Variants in MYO1A observed in about 807,000 individuals in gnomAD.
The protein encoded by MYO1A is myosin IA, also known as unconventional myosin-Ia.
MYO1A carries 127 observed loss-of-function variants against 138.5 expected under a neutral mutation model. That is an observed-to-expected ratio of 0.92 (90% CI 0.79 to 1.06). MYO1A has a LOEUF of 1.06. Ranked by LOEUF, MYO1A falls within the 50% of genes least tolerant of loss-of-function variation. The pLI, the probability that MYO1A is intolerant of heterozygous loss-of-function variation, is 0.00. For synonymous variants in MYO1A, 477 were observed against 497.5 expected (o/e 0.96, Z 0.55); for missense variants, 1,211 against 1,288.8 (o/e 0.94, Z 0.92).
intron 4 of MYO1A, 74 bp from the exon 5 acceptor site, chr12:57,047,481 C>G: frequency 6.6e-7 from 1 of 1,521,928 alleles, no homozygotes; most frequent in African/African-American, 1.4e-5. Context: ...ACTTGCTTCA[C>G]CCCAGTGCCT....
chr12:57,030,053 A>C (rs1266086505), intron 24 of MYO1A, 157 bp downstream of exon 24: 4 of 1,276,008 alleles, frequency 3.1e-6, no homozygotes, highest in South Asian at 1.2e-5. Context: ...TAGAAAGGCA[A>C]ATTTTGGTCC....
In MYO1A at chr12:57,038,505, G is replaced by C; in HGVS notation, c.1667C>G (p.Ser556Cys). The change falls in exon 17 of 28, where the codon TCT becomes TGT. Residue 556 changes from serine (S) to cysteine (C), a missense_variant. Physicochemically the swap from Ser to Cys is moderately radical, Grantham distance 112. Coordinates refer to ENST00000300119, the MANE Select transcript of MYO1A (RefSeq NM_005379.4). Reference sequence around the variant, plus strand: ...CCCAGCAGTCGGGGGGCGTTTGAGAGATGCCTGCTTAGGATTGCCCTCAGG... The same window carrying C: ...CCCAGCAGTCGGGGGGCGTTTGAGACATGCCTGCTTAGGATTGCCCTCAGG... ...LFPEGNPKQA[S>C]LKRPPTAGAQ... 6.2e-7 allele frequency: 1 copy of C among 1,614,238 alleles called. No individual in the cohort carries two copies. The highest frequency in any genetic ancestry group is 1.1e-5 in the South Asian group (1 of 91,088).
At position 57,041,242 on chromosome 12, in the gene MYO1A, A is replaced by C; in HGVS notation, c.1211T>G (p.Leu404Arg). 6.2e-7 allele frequency: 1 copy of C among 1,614,088 alleles called. No individual in the cohort carries two copies. The highest frequency in any genetic ancestry group is 8.5e-7 in the Non-Finnish European group (1 of 1,180,040). Residue 404 changes from leucine (L) to arginine (R), a missense_variant, in exon 14 of 28, where the codon CTG becomes CGG. Transcript: ENST00000300119. The part of the protein sequence containing the change: ...QFVINYCNEK[L>R]QQVFIEMTLK... ...GGTCATCTCTATGAACACCTGCTGC[A>C]GCTTCTCATTGCAGTAGTTGATCAC...
intron 23 of MYO1A, 90 bp downstream of exon 23, chr12:57,030,949 GA>G (rs1266729489): frequency 4.7e-6 from 7 of 1,501,994 alleles, no homozygotes; most frequent in South Asian, 1.2e-5. Flanking sequence ...TTTTTAATGG[GA>G]AAAAAATAGA....
chr12:57,041,553 G>A (rs1406160723), intron 12 of MYO1A, 56 bp from the exon 13 acceptor site: 3 of 1,471,384 alleles, frequency 2.0e-6, no homozygotes, highest in Non-Finnish European at 2.9e-6. Flanking sequence ...CACCAGGCCA[G>A]GTCCTTCTGG....
At position 57,048,230 on chromosome 12, in the gene MYO1A, A is replaced by G. The variant is rs371755179; in HGVS notation, c.94T>C (p.Tyr32His). Residue 32 changes from tyrosine to histidine, a missense_variant, in exon 2 of 28, where the codon TAT (tyrosine) becomes CAT (histidine). Tyr to His is a moderately conservative substitution (Grantham distance 83, BLOSUM62 2). Coordinates refer to ENST00000300119, the MANE Select transcript of MYO1A (RefSeq NM_005379.4). ...CTCACATAAATCTCCTTGTTTTCAT[A>G]GCGAAGCTGAAGATTCTTGAGCAGT... ...ESLLKNLQLR[Y>H]ENKEIYTYIG... 2 of 1,613,950 alleles carry G rather than the reference A, an allele frequency of 1.2e-6. No homozygotes were observed. The highest frequency in any genetic ancestry group is 2.7e-5 in the African/African-American group (2 of 74,940).
At chr12:57,038,378 A>T in intron 17 of MYO1A, 34 bp downstream of exon 17, 1 of 1,604,562 alleles carries the variant, frequency 6.2e-7, no homozygotes, top group African/African-American at 1.3e-5. Flanking sequence ...GCCATCACAT[A>T]TGTAGCATGT....
At position 57,034,575 on chromosome 12, in the gene MYO1A, G is replaced by A. The variant is rs546187090; in HGVS notation, c.2349+1732C>T. 5.3e-5 allele frequency among the ~76,000 whole-genome samples: 8 copies of A among 152,294 alleles called. No homozygotes were observed. In the East Asian group the frequency reaches 7.7e-4, roughly 15 times the overall value. ...TGTGGTCTCAGCTACTGGGAAGGCC[G>A]AGGCTGAAGGATGGCTTGAGCCCGG... On this transcript the variant is annotated intron_variant, in intron 22 of 27. Transcript: ENST00000300119.
At position 57,037,013 on chromosome 12, in the gene MYO1A, G is replaced by A. The variant is rs771264237; in HGVS notation, c.2134C>T (p.Arg712Cys). 53 of 1,614,040 alleles carry A rather than the reference G, an allele frequency of 3.3e-5. No homozygotes were observed. Among genetic ancestry groups the A allele is most frequent in the South Asian group, 2.9e-4 (26 of 91,088 alleles). The change falls in exon 20 of 28, where the codon CGC becomes TGC. Residue 712 changes from arginine to cysteine, a missense_variant. Transcript: ENST00000300119. ...TLIQKIYRGWRCRTHYQLMRK... is the reference protein window; with the variant it reads ...TLIQKIYRGWCCRTHYQLMRK... Reference sequence around the variant, plus strand: ...ATCAGTTGGTAGTGGGTGCGGCAGCGCCAGCCTCGGTAAATCTTCTGTATG... The same window carrying A: ...ATCAGTTGGTAGTGGGTGCGGCAGCACCAGCCTCGGTAAATCTTCTGTATG...
intron 8 of MYO1A, among the ~76,000 whole-genome samples, chr12:57,045,313 A>T (rs1288935634): frequency 6.6e-6 from 1 of 152,132 alleles, no homozygotes; most frequent in East Asian, 1.9e-4. Flanking sequence ...TCTGGTATGC[A>T]AATGATCTGA....
chr12:57,036,171 T>C (rs2136441390), intron 22 of MYO1A, 136 bp downstream of exon 22: 1 of 878,040 alleles, frequency 1.1e-6, no homozygotes, highest in Admixed American at 1.7e-5. Flanking sequence ...GCTGCCCTCT[T>C]CTCCTAGGAC....
chr12:57,031,105 C>T lies in MYO1A; in HGVS notation c.2419G>A (p.Ala807Thr). 6.2e-7 allele frequency: 1 copy of T among 1,614,158 alleles called. No individual in the cohort carries two copies. The highest frequency in any genetic ancestry group is 8.5e-7 in the Non-Finnish European group (1 of 1,180,028). The change falls in exon 23 of 28, where the codon GCC becomes ACC. Residue 807 changes from alanine (A) to threonine (T), a missense_variant. By Grantham distance (58) the Ala-to-Thr change is moderately conservative. Coordinates refer to ENST00000300119, the MANE Select transcript of MYO1A (RefSeq NM_005379.4). ...GTGCTGAGGCACTTGTAGGGGGCGG[C>T]TGGCCATGTCTTGTCTAAGACGTTT... ...STNVLDKTWP[A>T]APYKCLSTAN...
chr12:57,028,685 C>G lies in MYO1A; in HGVS notation c.*70G>C. On this transcript the variant is annotated 3_prime_UTR_variant, in exon 28 of 28. Transcript: ENST00000300119. ...CAGAGGGGTTAGAGATCCTCCCACA[C>G]AGGAGGGCAGAGGGGGATTAGTGCT... 6.3e-7 allele frequency: 1 copy of G among 1,593,952 alleles called. No individual in the cohort carries two copies. Among genetic ancestry groups the G allele is most frequent in the Non-Finnish European group, 8.6e-7 (1 of 1,167,154 alleles).
rs759368111 is a variant in MYO1A, at chr12:57,037,066, C to T, written c.2081G>A (p.Arg694His). 15 of 1,613,990 alleles carry T rather than the reference C, an allele frequency of 9.3e-6. No homozygotes were observed. Among genetic ancestry groups the T allele is most frequent in the Admixed American group, 6.7e-5 (4 of 60,002 alleles). Reference sequence around the variant, plus strand: ...TGTGGCCAGCTGCTGGAGTCTCAGGCGCCTCTGTTCTTCGAGGTAGAAAAG... The same window carrying T: ...TGTGGCCAGCTGCTGGAGTCTCAGGTGCCTCTGTTCTTCGAGGTAGAAAAG... ...KTLFYLEEQR[R>H]LRLQQLATLI... The change falls in exon 20 of 28, where the codon CGC becomes CAC. Residue 694 changes from arginine to histidine, a missense_variant. Transcript: ENST00000300119.
At chr12:57,041,959 T>C (rs574754745) in intron 12 of MYO1A, among the ~76,000 whole-genome samples, 2 of 152,374 alleles carry the variant, frequency 1.3e-5, no homozygotes, top group African/African-American at 4.8e-5. Context: ...TCTAAATAGA[T>C]GGCACTTCCA....
At chr12:57,050,515 T>C (rs1350087244), upstream of MYO1A, among the ~76,000 whole-genome samples, 1 of 152,114 alleles carries the variant, frequency 6.6e-6, no homozygotes, top group Non-Finnish European at 1.5e-5. Context: ...GCGAGACACG[T>C]CTTTACAAAG....
In MYO1A at chr12:57,028,843, T is replaced by A; in HGVS notation, c.3044A>T (p.Lys1015Met). 1 of 1,614,032 alleles carries A rather than the reference T, an allele frequency of 6.2e-7. No homozygotes were observed. The highest frequency in any genetic ancestry group is 1.1e-5 in the South Asian group (1 of 91,062). ...VRFKENSVAV[K>M]VVQGPAGGDN... ...ACCACCTGCAGGGCCCTGGACGACC[T>A]TGACAGCCACACTGTTCTCCTTGAA... The change falls in exon 28 of 28, where the codon AAG (lysine) becomes ATG (methionine). Residue 1015 changes from lysine to methionine, a missense_variant. Physicochemically the swap from Lys to Met is moderately conservative, Grantham distance 95 (BLOSUM62 -1). Coordinates refer to ENST00000300119, the MANE Select transcript of MYO1A (RefSeq NM_005379.4).
intron 22 of MYO1A, 108 bp from the exon 23 acceptor site, chr12:57,031,282 G>C (rs56017745): frequency 1.5e-6 from 2 of 1,354,912 alleles, no homozygotes; most frequent in Admixed American, 3.4e-5. Context: ...AACCCACAGT[G>C]AGAAGCAAGG....
At position 57,028,686 on chromosome 12, in the gene MYO1A, A is replaced by G; in HGVS notation, c.*69T>C. 6.3e-7 allele frequency: 1 copy of G among 1,591,668 alleles called. No individual in the cohort carries two copies. ...AGAGGGGTTAGAGATCCTCCCACAC[A>G]GGAGGGCAGAGGGGGATTAGTGCTG... On this transcript the variant is annotated 3_prime_UTR_variant, in exon 28 of 28. Coordinates refer to ENST00000300119, the MANE Select transcript of MYO1A (RefSeq NM_005379.4).
Sources: gnomAD v4.1 joint callset for allele counts (sites outside exome capture counted in the v4.1 genomes callset) on GRCh38, gnomAD v4.1.1 for gene constraint, MANE v1.5 for transcripts, NCBI Gene and HGNC (gene_info 2026-07-23, HGNC 2026-07-21) for gene names.